Variants in AGL observed in about 807,000 individuals in gnomAD.
The protein encoded by AGL is glycogen debranching enzyme.
In AGL, 128 loss-of-function variants were observed where a neutral mutation model predicts 199.3. The observed-to-expected ratio is 0.64, with a 90% CI of 0.56 to 0.74. AGL has a LOEUF of 0.74. Ranked by LOEUF, AGL falls within the 30% of genes least tolerant of loss-of-function variation. The pLI is 0.00. For missense variants in AGL, 1,809 were observed against 1,820.8 expected (o/e 0.99, Z 0.12); for synonymous variants, 584 against 594.7 (o/e 0.98, Z 0.26).
intron 27 of AGL, among the ~76,000 whole-genome samples, chr1:99,904,696 A>G (rs192503759): frequency 1.3e-4 from 20 of 152,296 alleles, no homozygotes; most frequent in Non-Finnish European, 2.5e-4. Context: ...AGAATGTTAT[A>G]TGAATGAAAC....
chr1:99,910,954 CA>C, intron 28 of AGL, 107 bp downstream of exon 28: 1 of 1,221,762 alleles, frequency 8.2e-7, no homozygotes, highest in Non-Finnish European at 1.2e-6. Flanking sequence ...TTAAGTCAAT[CA>C]AAATTTCCCT....
chr1:99,866,594 C>G (rs1450435459), intron 5 of AGL, among the ~76,000 whole-genome samples: 1 of 152,078 alleles, frequency 6.6e-6, no homozygotes, highest in African/African-American at 2.4e-5. Context: ...TTGAGTTTGT[C>G]AGCTATGTGT....
intron 21 of AGL, among the ~76,000 whole-genome samples, chr1:99,889,711 G>T (rs910662104): frequency 6.6e-6 from 1 of 152,132 alleles, no homozygotes; most frequent in Admixed American, 6.5e-5. Flanking sequence ...GACCAAACTT[G>T]TGTGTGCTCT....
Position 99,916,471 on chromosome 1 carries a change from A to G in AGL, c.4321A>G (p.Lys1441Glu). 6.2e-7 allele frequency: 1 copy of G among 1,612,568 alleles called. No individual in the cohort carries two copies. The highest frequency in any genetic ancestry group is 8.5e-7 in the Non-Finnish European group (1 of 1,179,052). Reference sequence around the variant, plus strand: ...AGACAATGACAACTACAATCTTGCTAAAGGTTTCAATTATCACCAAGGACC... The same window carrying G: ...AGACAATGACAACTACAATCTTGCTGAAGGTTTCAATTATCACCAAGGACC... ...ALDNDNYNLA[K>E]GFNYHQGPEW... The change falls in exon 32 of 34, where the codon AAA becomes GAA. Residue 1441 changes from lysine to glutamate, a missense_variant. Transcript: ENST00000361915.
At chr1:99,900,121 C>G (rs11166370) in intron 25 of AGL, among the ~76,000 whole-genome samples, 71,176 of 151,332 alleles carry the variant, frequency 0.47, 17,285 homozygotes, top group East Asian at 0.65. Flanking sequence ...GTAGAGACAG[C>G]GTTTCACCAT....
intron 2 of AGL, among the ~76,000 whole-genome samples, chr1:99,860,801 G>A (rs1007816441): frequency 3.3e-5 from 5 of 152,124 alleles, no homozygotes; most frequent in African/African-American, 9.7e-5. Context: ...TTGTCGTGTT[G>A]GTAGCTTAAG....
At chr1:99,878,943 A>G (rs1651788647) in intron 12 of AGL, among the ~76,000 whole-genome samples, 1 of 152,230 alleles carries the variant, frequency 6.6e-6, no homozygotes, top group Non-Finnish European at 1.5e-5. Flanking sequence ...ATTTTAAATT[A>G]CAAAATCTAG....
At position 99,903,030 on chromosome 1, in the gene AGL, G is replaced by A. The variant is rs112278239; in HGVS notation, c.3700+236G>A. ...GGTTTCATTTATAACTATAATAATC[G>A]CCATGAACTGCATGCTTACTATTGC... is the stretch of plus-strand genomic sequence containing the variant. On this transcript the variant is annotated intron_variant, in intron 27 of 33. Transcript: ENST00000361915. 0.011 allele frequency among the ~76,000 whole-genome samples: 1,618 copies of A among 152,078 alleles called. 31 individuals are homozygous for A. The highest frequency in any genetic ancestry group is 0.038 in the African/African-American group (1,557 of 41,476).
At chr1:99,869,677 A>G (rs1650823049) in intron 5 of AGL, among the ~76,000 whole-genome samples, 2 of 152,228 alleles carry the variant, frequency 1.3e-5, no homozygotes, top group African/African-American at 2.4e-5. Context: ...TATGTGGTAA[A>G]TATTCAGTAA....
In AGL at chr1:99,875,040, A is replaced by G. The variant is rs1362014923; in HGVS notation, c.1083-114A>G. 2.7e-6 allele frequency: 3 copies of G among 1,094,062 alleles called. No individual in the cohort carries two copies. The African/African-American group carries it at 4.8e-5, about 17-fold the overall frequency. The allele number at this position is 1,094,062 out of a possible 1,614,324, so 67.8% of individuals were successfully genotyped here. On this transcript the variant is annotated intron_variant, in intron 8 of 33. Coordinates refer to ENST00000361915, the MANE Select transcript of AGL (RefSeq NM_000642.3). ...CAATTGGAAAACATCATCAGCCATA[A>G]TTGAAATCCCGATGAATATATTTAA...
At chr1:99,853,031 A>G (rs573174497) in intron 2 of AGL, among the ~76,000 whole-genome samples, 5 of 152,130 alleles carry the variant, frequency 3.3e-5, no homozygotes, top group Admixed American at 3.3e-4. Context: ...ATATTCTTTG[A>G]TGATTTCTTC....
intron 27 of AGL, among the ~76,000 whole-genome samples, chr1:99,906,986 A>G (rs897275619): frequency 1.2e-4 from 19 of 152,340 alleles, no homozygotes; most frequent in South Asian, 1.0e-3. Flanking sequence ...CATTCCCACA[A>G]CTATTCAAAT....
At position 99,899,938 on chromosome 1, in the gene AGL, C is replaced by CT. The variant is rs371505865; in HGVS notation, c.3363-687dup. Among the ~76,000 whole-genome samples the CT allele has an allele frequency of 3.2e-3, 469 of 145,076 alleles. 2 individuals carry two copies. Among genetic ancestry groups the CT allele is most frequent in the African/African-American group, 8.4e-3 (334 of 39,816 alleles). ...CCCGGCCTTCTTTCTTTTCTTTCTTCTTTTTTTTTTTGATAGAGTCTTGCT... is the reference window on the plus strand; with the variant it reads ...CCCGGCCTTCTTTCTTTTCTTTCTTCTTTTTTTTTTTTGATAGAGTCTTGCT... On this transcript the variant is annotated intron_variant, in intron 25 of 33. Coordinates refer to ENST00000361915, the MANE Select transcript of AGL (RefSeq NM_000642.3).
Position 99,884,165 on chromosome 1 carries a change from A to G in AGL, c.2354A>G (p.Asn785Ser). The part of the protein sequence containing the change: ...VVLEARTIER[N>S]TKPYRKDENS... ...CTTGAAGCTAGAACTATTGAGAGAA[A>G]CACGAAACCTTATAGGAAGGATGAG... Residue 785 changes from asparagine (N) to serine (S), a missense_variant, in exon 18 of 34, where the codon AAC becomes AGC. Asn to Ser is a conservative substitution (Grantham distance 46). Coordinates refer to ENST00000361915, the MANE Select transcript of AGL (RefSeq NM_000642.3). 2 of 1,612,840 alleles carry G rather than the reference A, an allele frequency of 1.2e-6. No homozygotes were observed. The highest frequency in any genetic ancestry group is 4.5e-5 in the East Asian group (2 of 44,770).
chr1:99,854,200 A>T (rs1649215971), intron 2 of AGL, among the ~76,000 whole-genome samples: 1 of 152,200 alleles, frequency 6.6e-6, no homozygotes, highest in East Asian at 1.9e-4. Flanking sequence ...ATCTTAAAAA[A>T]AAATAAAAAA....
chr1:99,899,497 C>T (rs1034987921), intron 25 of AGL, among the ~76,000 whole-genome samples: 2 of 151,212 alleles, frequency 1.3e-5, no homozygotes, highest in Non-Finnish European at 2.9e-5. Context: ...CAGCTTCTAC[C>T]AGTTTGTTTT....
rs1238445536 is a variant in AGL at position 99,907,686 on chromosome 1, G to GTTTTTTTTT, written c.3701-3020_3701-3019insTTTTTTTTT. Among the ~76,000 whole-genome samples the GTTTTTTTTT allele has an allele frequency of 3.3e-4, 20 of 59,836 alleles. 1 individual carries two copies. The highest frequency in any genetic ancestry group is 5.9e-4 in the Non-Finnish European group (15 of 25,594). The allele number at this position is 59,836 out of a possible 152,430, so 39.3% of individuals were successfully genotyped here. A position where few individuals can be genotyped will look rare whatever the true frequency, so the allele number is the denominator to read the frequency against. ...TTTTTGTTTTTGTTCGTTTGTTTTT[G>GTTTTTTTTT]TTTTTTGTTTTTTTTGCTAGTAGCC... On this transcript the variant is annotated intron_variant, in intron 27 of 33. Transcript: ENST00000361915.
rs775335476 is a variant in AGL, at chr1:99,870,799, T to TA, written c.891dup (p.Leu298ThrfsTer14). ...TTTGGGAGGATATTTTTCCAAAGCT[T>TA]AAACTCTGGGAATTTTTCCAAGTAG... On this transcript the variant is annotated frameshift_variant, in exon 7 of 34. Transcript: ENST00000361915. LOFTEE classifies it high-confidence loss of function. The TA allele has an allele frequency of 3.7e-6, 6 of 1,611,790 alleles. No homozygotes were observed. In the Admixed American group the frequency reaches 1.0e-4, roughly 27 times the overall value.
In AGL at chr1:99,887,976, A is replaced by C. The variant is rs1185321132; in HGVS notation, c.2682-2A>C. 6.2e-7 allele frequency: 1 copy of C among 1,613,206 alleles called. No individual in the cohort carries two copies. Among genetic ancestry groups the C allele is most frequent in the Non-Finnish European group, 8.5e-7 (1 of 1,179,438 alleles). On this transcript the variant is annotated splice_acceptor_variant, in intron 20 of 33. Coordinates refer to ENST00000361915, the MANE Select transcript of AGL (RefSeq NM_000642.3). LOFTEE classifies it high-confidence loss of function. The stretch of plus-strand genomic sequence containing the variant: ...TGGTTATCTTTATTTTCCAATTCTT[A>C]GTCTTGCCTCCAGATTAACTTTGGC...
Sources: gnomAD v4.1 joint callset for allele counts (sites outside exome capture counted in the v4.1 genomes callset) on GRCh38, gnomAD v4.1.1 for gene constraint, MANE v1.5 for transcripts, NCBI Gene and HGNC (gene_info 2026-07-23, HGNC 2026-07-21) for gene names.